Variants in TASOR observed in about 807,000 individuals in gnomAD.
TASOR encodes protein TASOR.
In TASOR, 53 loss-of-function variants were observed where a neutral mutation model predicts 178.6. That is an observed-to-expected ratio of 0.30 (90% confidence interval 0.24 to 0.37). TASOR has a LOEUF of 0.37. TASOR is among the 10% of genes least tolerant of loss of function. The probability of loss-of-function intolerance (pLI) is 1.00; values close to 1 mark genes in which losing one functional copy is unlikely to be tolerated. For missense variants in TASOR, 1,815 were observed against 1,971.4 expected, an observed-to-expected ratio of 0.92 and a Z score of 1.50; for synonymous variants, 713 against 696.2, an observed-to-expected ratio of 1.02 and a Z score of -0.38.
At position 56,620,310 on chromosome 3, in the gene TASOR, A is replaced by G. The variant is rs1198233330; in HGVS notation, c.*2727T>C. On this transcript the variant is annotated 3_prime_UTR_variant, in exon 24 of 24. Coordinates refer to ENST00000683822, the MANE Select transcript of TASOR (RefSeq NM_001365635.2). ...GTTAGAACATTGACGTACATCCCAAATAGTAATAAATTCAGTATGAAATTA... is the reference window on the plus strand; with the variant it reads ...GTTAGAACATTGACGTACATCCCAAGTAGTAATAAATTCAGTATGAAATTA... The G allele has an allele frequency of 6.4e-6, 1 of 155,288 alleles. No homozygotes were observed. The highest frequency in any genetic ancestry group is 1.4e-5 in the Non-Finnish European group (1 of 69,986). The allele number at this position is 155,288 out of a possible 1,614,324, so 9.6% of individuals were successfully genotyped here.
intron 1 of TASOR, among the ~76,000 whole-genome samples, chr3:56,677,130 T>C (rs1232080676): frequency 1.3e-5 from 2 of 152,240 alleles, no homozygotes; most frequent in Non-Finnish European, 2.9e-5. Context: ...TTTCTGGTAG[T>C]CTATTTTATG....
At position 56,664,813 on chromosome 3, in the gene TASOR, T is replaced by G. The variant is rs117447083; in HGVS notation, c.1023-1241A>C. On this transcript the variant is annotated intron_variant, in intron 7 of 23. Coordinates refer to ENST00000683822, the MANE Select transcript of TASOR (RefSeq NM_001365635.2). ...AAAAAAATGGTAACTGCTTCCTATTTGGTCACCTTATACTAGAGCTTTTAA... is the reference window on the plus strand; with the variant it reads ...AAAAAAATGGTAACTGCTTCCTATTGGGTCACCTTATACTAGAGCTTTTAA... Among the ~76,000 whole-genome samples the G allele has an allele frequency of 1.5e-4, 23 of 152,314 alleles. No individual in the cohort carries two copies. In the East Asian group the frequency reaches 4.2e-3, roughly 28 times the overall value.
At chr3:56,638,217 A>G (rs1578209628) in intron 17 of TASOR, among the ~76,000 whole-genome samples, 1 of 151,846 alleles carries the variant, frequency 6.6e-6, no homozygotes, top group African/African-American at 2.4e-5. Context: ...ATAAAAAAAT[A>G]AGCTGGGCAT....
intron 15 of TASOR, among the ~76,000 whole-genome samples, chr3:56,641,098 C>T (rs1049093018): frequency 9.7e-6 from 1 of 102,810 alleles, no homozygotes; most frequent in Non-Finnish European, 1.7e-5. Context: ...TAGATTGTTC[C>T]GCCTAAGCTT....
Position 56,682,902 on chromosome 3 carries a change from C to A in TASOR, c.105G>T (p.Glu35Asp), listed in dbSNP as rs770314651. Residue 35 changes from glutamate (E) to aspartate (D), a missense_variant, in exon 1 of 24, where the codon GAG (glutamate) becomes GAT (aspartate). Transcript: ENST00000683822. The stretch of plus-strand genomic sequence containing the variant: ...CGCCGCCGCCATTTTGTTGGGAGGA[C>A]TCAAGCTCCGGAAGCGCCTGCTTCA... The part of the protein sequence containing the change: ...DEMKQALPEL[E>D]SSQQNGGGGG... 6.5e-7 allele frequency: 1 copy of A among 1,539,800 alleles called. No homozygotes were observed. The highest frequency in any genetic ancestry group is 8.8e-7 in the Non-Finnish European group (1 of 1,137,716).
At chr3:56,634,042 G>A (rs2076969262) in intron 17 of TASOR, 76 bp from the exon 18 acceptor site, 12 of 1,166,418 alleles carry the variant, frequency 1.0e-5, no homozygotes, top group South Asian at 6.9e-5. Context: ...TTAAATTGGG[G>A]GAAAAAAGGG....
intron 1 of TASOR, among the ~76,000 whole-genome samples, chr3:56,674,091 G>C (rs1297996741): frequency 6.6e-6 from 1 of 150,812 alleles, no homozygotes; most frequent in African/African-American, 2.4e-5. Context: ...GTATGTCTCA[G>C]ACTGTGTATT....
Position 56,633,633 on chromosome 3 carries a change from G to A in TASOR, c.3158C>T (p.Ser1053Leu), listed in dbSNP as rs142241751. ...AAGCCGTTTCATCTTCTCTTGTGTT[G>A]AAAAGATAGGTGTGGAAACTGTACT... ...YVSTVSTPIF[S>L]TQEKMKRLSE... Residue 1053 changes from serine (S) to leucine (L), a missense_variant, in exon 18 of 24, where the codon TCA becomes TTA. Ser to Leu is a moderately radical substitution (Grantham distance 145). Around this residue, in one of 5 missense-constraint regions of TASOR, gnomAD observed 655 missense variants for 671.1 expected, o/e 0.98. Transcript: ENST00000683822. 42 of 1,613,868 alleles carry A rather than the reference G, an allele frequency of 2.6e-5. No individual in the cohort carries two copies. The African/African-American group carries it at 4.7e-4, about 18-fold the overall frequency.
chr3:56,677,273 C>G (rs1045845271), intron 1 of TASOR, among the ~76,000 whole-genome samples: 1 of 152,166 alleles, frequency 6.6e-6, no homozygotes, highest in Non-Finnish European at 1.5e-5. Flanking sequence ...AACCCTGTGT[C>G]TATCCAAATA....
chr3:56,633,963 A>T lies in TASOR; in HGVS notation c.2828T>A (p.Met943Lys). ...GKHGEKQTPG[M>K]KSPEEQLVCV... ...CACCAGTTGTTCTTCTGGTGATTTC[A>T]TACCTATACAGGAAGAGTTCATTAT... is the stretch of plus-strand genomic sequence containing the variant. Residue 943 changes from methionine to lysine, a missense_variant, in exon 18 of 24, where the codon ATG (methionine) becomes AAG (lysine). Transcript: ENST00000683822. 6.5e-7 allele frequency: 1 copy of T among 1,538,616 alleles called. No individual in the cohort carries two copies. The highest frequency in any genetic ancestry group is 8.8e-7 in the Non-Finnish European group (1 of 1,141,770).
intron 15 of TASOR, 27 bp downstream of exon 15, chr3:56,641,322 A>G: frequency 6.4e-7 from 1 of 1,555,610 alleles, no homozygotes. Context: ...TCACAAACAC[A>G]AAGGTAACCA....
At chr3:56,661,055 T>C in intron 9 of TASOR, 38 bp from the exon 10 acceptor site, 1 of 1,371,262 alleles carries the variant, frequency 7.3e-7, no homozygotes. Context: ...GCCTTATCTG[T>C]ATTTTCAACT....
At position 56,646,718 on chromosome 3, in the gene TASOR, A is replaced by C; in HGVS notation, c.2019T>G (p.Ser673=). 1.2e-6 allele frequency: 2 copies of C among 1,613,972 alleles called. No individual in the cohort carries two copies. The highest frequency in any genetic ancestry group is 1.7e-6 in the Non-Finnish European group (2 of 1,180,002). The change falls in exon 14 of 24, where the codon TCT becomes TCG. Residue 673 remains serine, a synonymous_variant. Coordinates refer to ENST00000683822, the MANE Select transcript of TASOR (RefSeq NM_001365635.2). ...TGACTCTATCCTTATCATAATCCAA[A>C]GAATGAGATGATCTTTGCTTTCCAG... is the stretch of plus-strand genomic sequence containing the variant. ...IISGKQRSSH[S]LDYDKDRVKE... is the part of the protein sequence containing the mutation.
rs753825450 is a variant in TASOR, at chr3:56,628,479, C to A, written c.3870+13G>T. The A allele has an allele frequency of 6.3e-7, 1 of 1,593,962 alleles. No individual in the cohort carries two copies. On this transcript the variant is annotated intron_variant, in intron 19 of 23. Transcript: ENST00000683822. ...TTTAAAACCAAAGTAGTGAATTTGA[C>A]TTAATAGTCTACCTTGTGAATGAAA...
chr3:56,637,845 G>A (rs1231190354), intron 17 of TASOR, among the ~76,000 whole-genome samples: 1 of 152,120 alleles, frequency 6.6e-6, no homozygotes, highest in African/African-American at 2.4e-5. Context: ...ACCATCTGCA[G>A]AGAAGTTGAA....
At chr3:56,645,976 G>A (rs895580620) in intron 14 of TASOR, among the ~76,000 whole-genome samples, 4 of 152,000 alleles carry the variant, frequency 2.6e-5, no homozygotes, top group African/African-American at 4.8e-5. Flanking sequence ...GTGAAACCCC[G>A]TCTCTACTAA....
intron 5 of TASOR, 82 bp from the exon 6 acceptor site, chr3:56,668,640 G>T: frequency 9.8e-7 from 1 of 1,021,974 alleles, no homozygotes; most frequent in Non-Finnish European, 1.4e-6. Context: ...ATACTTCTTT[G>T]AATATAGATC....
intron 21 of TASOR, among the ~76,000 whole-genome samples, chr3:56,626,532 C>T (rs2076802333): frequency 6.6e-6 from 1 of 152,120 alleles, no homozygotes; most frequent in Non-Finnish European, 1.5e-5. Flanking sequence ...CACCTGAAGA[C>T]AGGAGTTCGA....
In TASOR at chr3:56,627,635, C is replaced by T; in HGVS notation, c.3977G>A (p.Gly1326Glu). Reference sequence around the variant, plus strand: ...TGATTCATCAGATACGATAAAACCTCCAGATACAAATAATTCATTGTATGT... The same window carrying T: ...TGATTCATCAGATACGATAAAACCTTCAGATACAAATAATTCATTGTATGT... ...NHTYNELFVS[G>E]GFIVSDESIL... Residue 1326 changes from glycine to glutamate, a missense_variant, in exon 20 of 24, where the codon GGA becomes GAA. By Grantham distance (98) the Gly-to-Glu change is moderately conservative. This residue lies in a region of TASOR where 134 missense variants were observed against 195.2 expected (regional missense o/e 0.69). Coordinates refer to ENST00000683822, the MANE Select transcript of TASOR (RefSeq NM_001365635.2). The T allele has an allele frequency of 6.2e-7, 1 of 1,614,000 alleles. No homozygotes were observed. The highest frequency in any genetic ancestry group is 8.5e-7 in the Non-Finnish European group (1 of 1,179,918).
Sources: allele counts gnomAD v4.1 joint callset (sites outside exome capture counted in the v4.1 genomes callset), GRCh38; gene constraint gnomAD v4.1.1; regional missense constraint gnomAD v4.1.1; transcripts MANE v1.5; gene names NCBI Gene and HGNC (gene_info 2026-07-23, HGNC 2026-07-21).